The following DCC variants were observed in gnomAD, a reference collection of about 807,000 sequenced individuals.
DCC encodes the protein DCC netrin 1 receptor.
Under a neutral mutation model 172.5 loss-of-function variants are expected in DCC, and 58 were observed. That is an observed-to-expected ratio of 0.34 (90% confidence interval 0.27 to 0.42). DCC has a LOEUF of 0.42. Among genes scored for constraint, DCC ranks in the 10% least tolerant of loss-of-function variants. The pLI is 1.00. For missense variants in DCC, 1,740 were observed against 1,791.0 expected, an observed-to-expected ratio of 0.97 and a Z score of 0.51; for synonymous variants, 709 against 644.5, an observed-to-expected ratio of 1.10 and a Z score of -1.52.
At chr18:52,735,772 C>T (rs1002332771) in intron 1 of DCC, among the ~76,000 whole-genome samples, 3 of 152,078 alleles carry the variant, frequency 2.0e-5, no homozygotes, top group Non-Finnish European at 1.5e-5. Context: ...GGGTCTGCCT[C>T]TCTCAGTCTA....
chr18:53,333,211 C>T (rs895126285), intron 14 of DCC, among the ~76,000 whole-genome samples: 10 of 152,092 alleles, frequency 6.6e-5, no homozygotes, highest in African/African-American at 1.7e-4. Context: ...TAGAGGTGAG[C>T]GGCCTAAGGG....
At chr18:53,084,078 A>T (rs2042844036) in intron 7 of DCC, among the ~76,000 whole-genome samples, 1 of 152,136 alleles carries the variant, frequency 6.6e-6, no homozygotes, top group South Asian at 2.1e-4. Context: ...AAGGAATTCA[A>T]TTCTTACATT....
Position 52,564,197 on chromosome 18 carries a change from T to A in DCC, c.92-187857T>A, listed in dbSNP as rs537732048. On this transcript the variant is annotated intron_variant, in intron 1 of 28. Transcript: ENST00000442544. ...CTCAAAGGATTCAGGGTTCCAAAAG[T>A]AAAAGATGACAATAAATGTAGAAGA... 2.0e-5 allele frequency among the ~76,000 whole-genome samples: 3 copies of A among 152,196 alleles called. No individual in the cohort carries two copies. The East Asian group carries it at 5.8e-4, about 29-fold the overall frequency.
At chr18:53,527,300 C>T (rs1172597254) in intron 28 of DCC, among the ~76,000 whole-genome samples, 1 of 151,464 alleles carries the variant, frequency 6.6e-6, no homozygotes, top group African/African-American at 2.4e-5. Flanking sequence ...TGCACTACAG[C>T]CCTGAACTTC....
intron 2 of DCC, among the ~76,000 whole-genome samples, chr18:52,887,704 T>C (rs1283498941): frequency 1.3e-5 from 2 of 152,176 alleles, no homozygotes; most frequent in African/African-American, 2.4e-5. Context: ...AACTTCTAGA[T>C]ATTTTTTCCC....
chr18:52,800,501 T>C (rs911904587), intron 2 of DCC, among the ~76,000 whole-genome samples: 1 of 152,162 alleles, frequency 6.6e-6, no homozygotes, highest in East Asian at 1.9e-4. Flanking sequence ...CTGGGGTATA[T>C]AGGTGAATAT....
chr18:52,426,297 T>A (rs1301872941), intron 1 of DCC, among the ~76,000 whole-genome samples: 1 of 32,212 alleles, frequency 3.1e-5, no homozygotes, highest in Non-Finnish European at 4.6e-5. Flanking sequence ...AGTGCCAGAA[T>A]TTTTTTTTTT....
chr18:52,725,547 G>A (rs1436044675), intron 1 of DCC, among the ~76,000 whole-genome samples: 3 of 152,180 alleles, frequency 2.0e-5, no homozygotes, highest in Non-Finnish European at 2.9e-5. Flanking sequence ...GATAGGCAGT[G>A]GGAGAAGCTG....
At chr18:53,506,151 G>A (rs1007628258) in intron 27 of DCC, among the ~76,000 whole-genome samples, 1 of 152,106 alleles carries the variant, frequency 6.6e-6, no homozygotes. Context: ...ATTATTCTTA[G>A]GACCTTCATC....
chr18:53,214,215 G>T (rs1190304565), intron 11 of DCC, among the ~76,000 whole-genome samples: 1 of 151,942 alleles, frequency 6.6e-6, no homozygotes, highest in Non-Finnish European at 1.5e-5. Context: ...TGAGCATTTT[G>T]TCAGAAACTA....
At chr18:52,537,620 C>T (rs923623638) in intron 1 of DCC, among the ~76,000 whole-genome samples, 7 of 151,908 alleles carry the variant, frequency 4.6e-5, no homozygotes, top group African/African-American at 1.7e-4. Context: ...CTATAGCCAG[C>T]TTGTCTCACC....
intron 5 of DCC, among the ~76,000 whole-genome samples, chr18:52,950,929 C>CAAAAAAAAAAAAAAAAAAAAAA (rs755118442): frequency 7.0e-5 from 4 of 57,424 alleles, no homozygotes; most frequent in East Asian, 8.1e-4. Flanking sequence ...GACTCCGTCT[C>CAAAAAAAAAAAAAAAAAAAAAA]AAAAAAAAAA....
intron 5 of DCC, among the ~76,000 whole-genome samples, chr18:53,003,646 G>A (rs958714166): frequency 1.3e-5 from 2 of 152,112 alleles, no homozygotes; most frequent in Non-Finnish European, 2.9e-5. Flanking sequence ...GTAGGGATAG[G>A]AGCCTCAGAC....
chr18:52,976,968 TAA>T (rs1332065497), intron 5 of DCC, among the ~76,000 whole-genome samples: 1 of 152,184 alleles, frequency 6.6e-6, no homozygotes, highest in Admixed American at 6.5e-5. Flanking sequence ...ATTCATGCGA[TAA>T]ATTGTTAATA....
chr18:53,067,124 T>C (rs548566964), intron 7 of DCC, among the ~76,000 whole-genome samples: 12 of 152,146 alleles, frequency 7.9e-5, no homozygotes, highest in Non-Finnish European at 1.8e-4. Flanking sequence ...ATTCAGACCA[T>C]ATCAAAAGGA....
intron 2 of DCC, among the ~76,000 whole-genome samples, chr18:52,857,965 T>C (rs1235127933): frequency 6.6e-6 from 1 of 152,174 alleles, no homozygotes; most frequent in East Asian, 1.9e-4. Flanking sequence ...AAAAGAATAT[T>C]TGGAAATTAA....
chr18:52,977,086 C>T (rs1455062773), intron 5 of DCC, among the ~76,000 whole-genome samples: 2 of 152,170 alleles, frequency 1.3e-5, no homozygotes, highest in Admixed American at 6.5e-5. Context: ...TAATAAAATA[C>T]ATGGTCACAC....
intron 12 of DCC, among the ~76,000 whole-genome samples, chr18:53,300,287 T>C (rs2057117217): frequency 2.0e-5 from 3 of 152,134 alleles, no homozygotes; most frequent in Non-Finnish European, 1.5e-5. Context: ...AGGGTAAAAT[T>C]TGAGTTGCCA....
At chr18:52,525,734 A>G (rs968431693) in intron 1 of DCC, among the ~76,000 whole-genome samples, 12 of 152,216 alleles carry the variant, frequency 7.9e-5, no homozygotes, top group Admixed American at 3.9e-4. Flanking sequence ...TGTGATAGTT[A>G]TTGTCATAGA....
Sources: allele counts gnomAD v4.1 joint callset (sites outside exome capture counted in the v4.1 genomes callset), GRCh38; gene constraint gnomAD v4.1.1; transcripts MANE v1.5; gene names NCBI Gene and HGNC (gene_info 2026-07-23, HGNC 2026-07-21).